TCF12: variants seen among roughly 807,000 people sequenced by gnomAD.
TCF12 encodes DNA-binding protein HTF4.
TCF12 carries 45 observed loss-of-function variants against 86.0 expected under a neutral mutation model. That is an observed-to-expected ratio of 0.52 (90% CI 0.41 to 0.67). The LOEUF (loss-of-function observed/expected upper bound fraction) is 0.67. TCF12 is among the 30% of genes least tolerant of loss of function. The probability of loss-of-function intolerance (pLI) is 0.00; values close to 1 mark genes in which losing one functional copy is unlikely to be tolerated. For missense variants in TCF12, 881 were observed against 859.9 expected (o/e 1.02, Z -0.31); for synonymous variants, 330 against 299.6 (o/e 1.10, Z -1.05).
chr15:56,980,626 T>G (rs1453521902), intron 3 of TCF12, among the ~76,000 whole-genome samples: 1 of 152,204 alleles, frequency 6.6e-6, no homozygotes, highest in Admixed American at 6.5e-5. Context: ...TTCATAGTCT[T>G]TATCTGACAC....
At chr15:57,064,812 A>AAAAAAAG (rs554263213) in intron 4 of TCF12, among the ~76,000 whole-genome samples, 17 of 123,446 alleles carry the variant, frequency 1.4e-4, no homozygotes, top group South Asian at 2.5e-4. Flanking sequence ...AAAAAAAAAA[A>AAAAAAAG]AGAGAGAGAG....
At chr15:57,012,597 C>A (rs2064898034) in intron 3 of TCF12, among the ~76,000 whole-genome samples, 1 of 152,160 alleles carries the variant, frequency 6.6e-6, no homozygotes, top group South Asian at 2.1e-4. Context: ...ATCTGTGAAA[C>A]AGAGGGGAAG....
intron 6 of TCF12, among the ~76,000 whole-genome samples, chr15:57,184,649 T>TGCCCTTAA (rs1322497652): frequency 1.3e-5 from 2 of 152,156 alleles, no homozygotes; most frequent in Admixed American, 1.3e-4. Context: ...ACTTGACCCC[T>TGCCCTTAA]GCCCTTAAGC....
At chr15:57,261,458 C>T (rs1294552226) in intron 16 of TCF12, among the ~76,000 whole-genome samples, 4 of 152,066 alleles carry the variant, frequency 2.6e-5, no homozygotes, top group Non-Finnish European at 5.9e-5. Context: ...ATATTAATTA[C>T]TCAAGAGGGA....
rs527322403 is a variant in TCF12 at position 57,226,221 on chromosome 15, T to C, written c.580-4931T>C. On this transcript the variant is annotated intron_variant, in intron 8 of 20. Coordinates refer to ENST00000333725, the MANE Select transcript of TCF12 (RefSeq NM_207037.2). ...CATTGACCTAGACTTTTTTTTTTTT[T>C]CTCAAGGTTTTAGGTACTTAGCTAG... Among the ~76,000 whole-genome samples, 265 of 151,444 alleles carry C rather than the reference T, an allele frequency of 1.7e-3. 2 individuals are homozygous for C. The highest frequency in any genetic ancestry group is 4.8e-3 in the African/African-American group (199 of 41,334).
chr15:57,018,763 G>A (rs529969070), intron 3 of TCF12, among the ~76,000 whole-genome samples: 38 of 152,192 alleles, frequency 2.5e-4, no homozygotes, highest in African/African-American at 8.7e-4. Context: ...ATTTGAAAGG[G>A]CTCATATTCC....
At chr15:57,072,756 T>A (rs186468171) in intron 4 of TCF12, 1 of 1,240,084 alleles carries the variant, frequency 8.1e-7, no homozygotes, top group Admixed American at 2.9e-5. Context: ...CCCATTAATC[T>A]CTGTTTTGTT....
intron 8 of TCF12, chr15:57,214,097 T>G (rs888748676): frequency 3.3e-5 from 5 of 152,062 alleles, no homozygotes; most frequent in Non-Finnish European, 5.9e-5. Flanking sequence ...GCAATTCACG[T>G]AGGGAAGGAA....
At chr15:57,192,913 C>G (rs1333077577) in intron 7 of TCF12, among the ~76,000 whole-genome samples, 1 of 152,074 alleles carries the variant, frequency 6.6e-6, no homozygotes, top group African/African-American at 2.4e-5. Context: ...TTCAAACAGC[C>G]AGTGTAATAC....
At chr15:57,004,232 T>C (rs1319041551) in intron 3 of TCF12, among the ~76,000 whole-genome samples, 1 of 144,312 alleles carries the variant, frequency 6.9e-6, no homozygotes, top group Non-Finnish European at 1.5e-5. Flanking sequence ...TTCATTTCTT[T>C]CTTTCTTTTT....
At chr15:57,031,174 C>T (rs1243684828) in intron 3 of TCF12, among the ~76,000 whole-genome samples, 1 of 152,104 alleles carries the variant, frequency 6.6e-6, no homozygotes, top group African/African-American at 2.4e-5. Context: ...TATTTTTCTG[C>T]CTCTTACCTT....
At chr15:57,174,618 C>A (rs1420998917) in intron 6 of TCF12, among the ~76,000 whole-genome samples, 2 of 152,180 alleles carry the variant, frequency 1.3e-5, no homozygotes, top group African/African-American at 2.4e-5. Context: ...TGTTTGTGTA[C>A]ATAGGAAATC....
chr15:57,208,380 C>CTTTTTTTTTTTTTTT lies in TCF12; in HGVS notation c.579+10560_579+10574dup, dbSNP rs1184422578. Among the ~76,000 whole-genome samples, 50 of 65,590 alleles carry CTTTTTTTTTTTTTTT rather than the reference C, an allele frequency of 7.6e-4. 8 individuals carry two copies. The highest frequency in any genetic ancestry group is 3.0e-3 in the African/African-American group (45 of 14,846). The allele number at this position is 65,590 out of a possible 152,430, so 43.0% of individuals were successfully genotyped here. The stretch of plus-strand genomic sequence containing the variant: ...ACCTTGTTCTTTGGACAAAAATATC[C>CTTTTTTTTTTTTTTT]TTTTTTTTTTTTTTTTTTTGGAGAC... On this transcript the variant is annotated intron_variant, in intron 8 of 20. Transcript: ENST00000333725.
intron 3 of TCF12, among the ~76,000 whole-genome samples, chr15:56,977,212 G>C (rs2062651090): frequency 6.6e-6 from 1 of 152,078 alleles, no homozygotes; most frequent in African/African-American, 2.4e-5. Flanking sequence ...AGGACATATG[G>C]GGGAAAATTT....
Position 57,212,789 on chromosome 15 carries a change from G to A in TCF12, c.579+14964G>A, listed in dbSNP as rs74381152. On this transcript the variant is annotated intron_variant, in intron 8 of 20. Coordinates refer to ENST00000333725, the MANE Select transcript of TCF12 (RefSeq NM_207037.2). The stretch of plus-strand genomic sequence containing the variant: ...TTACAGAAATGGAAAATTAGGCTCA[G>A]GGAGAGTCAACGACCTACCCTAAGC... 1.9e-3 allele frequency among the ~76,000 whole-genome samples: 283 copies of A among 152,244 alleles called. 1 individual carries two copies. The highest frequency in any genetic ancestry group is 6.4e-3 in the African/African-American group (265 of 41,552).
intron 8 of TCF12, among the ~76,000 whole-genome samples, chr15:57,220,501 A>T (rs375148830): frequency 6.6e-6 from 1 of 152,316 alleles, no homozygotes; most frequent in East Asian, 1.9e-4. Flanking sequence ...TATTTTTTAA[A>T]AGAATGCATT....
intron 3 of TCF12, among the ~76,000 whole-genome samples, chr15:56,974,900 T>G (rs117929155): frequency 0.022 from 3,327 of 152,242 alleles, 47 homozygotes; most frequent in Non-Finnish European, 0.033. Context: ...AAAATTCATT[T>G]AGAAGCTATC....
intron 5 of TCF12, among the ~76,000 whole-genome samples, chr15:57,146,530 A>G: frequency 1.3e-5 from 2 of 152,340 alleles, no homozygotes; most frequent in East Asian, 3.9e-4. Context: ...AATTTATATT[A>G]TAGAACTCTA....
intron 3 of TCF12, among the ~76,000 whole-genome samples, chr15:57,007,738 T>C (rs1266691189): frequency 1.3e-5 from 2 of 149,122 alleles, no homozygotes; most frequent in Non-Finnish European, 3.0e-5. Context: ...AGGAAAATGA[T>C]GTAACAAATA....
Sources: allele counts gnomAD v4.1 joint callset (sites outside exome capture counted in the v4.1 genomes callset), GRCh38; gene constraint gnomAD v4.1.1; transcripts MANE v1.5; gene names NCBI Gene and HGNC (gene_info 2026-07-23, HGNC 2026-07-21).